HDAC9: variants seen among roughly 807,000 people sequenced by gnomAD.
The protein encoded by HDAC9 is MEF-2 interacting transcription repressor (MITR) protein.
A neutral mutation model predicts 139.4 loss-of-function variants in HDAC9; 41 were observed. That is an observed-to-expected ratio of 0.29 (90% CI 0.23 to 0.38). The LOEUF is 0.38. HDAC9 is among the 10% of genes least tolerant of loss of function. The probability of loss-of-function intolerance (pLI) is 1.00; values close to 1 mark genes in which losing one functional copy is unlikely to be tolerated. For synonymous variants in HDAC9, 517 were observed against 476.2 expected, an observed-to-expected ratio of 1.09 and a Z score of -1.12; for missense variants, 1,147 against 1,297.0, an observed-to-expected ratio of 0.88 and a Z score of 1.78.
intron 1 of HDAC9, among the ~76,000 whole-genome samples, chr7:18,295,886 C>T (rs746842887): frequency 1.1e-3 from 162 of 152,224 alleles, no homozygotes; most frequent in Non-Finnish European, 2.2e-3. Flanking sequence ...CACCAGACAA[C>T]CCCCCACAAC....
rs78177119 is a variant in HDAC9, at chr7:18,121,545, A to C, written c.-97+34332A>C. On this transcript the variant is annotated intron_variant, in intron 1 of 12. Coordinates refer to the HDAC9 transcript ENST00000417496. The stretch of plus-strand genomic sequence containing the variant: ...TAAGGTGAGCACCATAAGAATATGC[A>C]AAAAAAAAAAAAAACCATTGAAATT... Among the ~76,000 whole-genome samples, 336 of 61,108 alleles carry C rather than the reference A, an allele frequency of 5.5e-3. 3 individuals are homozygous for C. Among genetic ancestry groups the C allele is most frequent in the African/African-American group, 0.022 (324 of 14,600 alleles). The allele number at this position is 61,108 out of a possible 152,430, so 40.1% of individuals were successfully genotyped here. A position where few individuals can be genotyped will look rare whatever the true frequency, so the allele number is the denominator to read the frequency against.
At chr7:18,273,073 T>G (rs1266024709) in intron 2 of HDAC9, among the ~76,000 whole-genome samples, 19 of 133,772 alleles carry the variant, frequency 1.4e-4, no homozygotes, top group East Asian at 4.1e-4. Flanking sequence ...TTTTTTTTTT[T>G]TTTTTTTTTT....
At chr7:18,419,092 A>G (rs1190959667) in intron 1 of HDAC9, among the ~76,000 whole-genome samples, 1 of 152,100 alleles carries the variant, frequency 6.6e-6, no homozygotes, top group South Asian at 2.1e-4. Flanking sequence ...ATGGAAATCA[A>G]TTATTTCATT....
chr7:18,731,616 A>G (rs1220823496), intron 13 of HDAC9, among the ~76,000 whole-genome samples: 1 of 152,146 alleles, frequency 6.6e-6, no homozygotes, highest in South Asian at 2.1e-4. Flanking sequence ...AAATTGCATA[A>G]AATTATTTTT....
In HDAC9 at chr7:18,723,687, C is replaced by T. The variant is rs1785306533; in HGVS notation, c.1732-3893C>T. 2.7e-5 allele frequency among the ~76,000 whole-genome samples: 4 copies of T among 150,548 alleles called. No individual in the cohort carries two copies. The South Asian group carries it at 6.4e-4, about 24-fold the overall frequency. The stretch of plus-strand genomic sequence containing the variant: ...TTTATCTTACAGGGTTTCAGTGAAG[C>T]TCAAGTAGAACAATACTTACTTACT... On this transcript the variant is annotated intron_variant, in intron 12 of 25. Coordinates refer to ENST00000686413, the MANE Select transcript of HDAC9 (RefSeq NM_178425.4).
At chr7:18,733,161 G>GTA (rs1401315862) in intron 13 of HDAC9, among the ~76,000 whole-genome samples, 29 of 145,788 alleles carry the variant, frequency 2.0e-4, no homozygotes, top group Non-Finnish European at 2.9e-4. Flanking sequence ...ATATACACGT[G>GTA]TATACACATG....
chr7:18,681,571 G>T (rs1037377037), intron 12 of HDAC9, among the ~76,000 whole-genome samples: 1 of 152,010 alleles, frequency 6.6e-6, no homozygotes, highest in African/African-American at 2.4e-5. Flanking sequence ...TAAATTTCCA[G>T]CAGAATTAAC....
intron 11 of HDAC9, among the ~76,000 whole-genome samples, chr7:18,654,568 A>T (rs1168515205): frequency 1.3e-5 from 2 of 152,088 alleles, no homozygotes; most frequent in African/African-American, 4.8e-5. Flanking sequence ...TGAAATCCTA[A>T]CATAGGTTGT....
Position 18,998,185 on chromosome 7 carries a change from C to G in HDAC9, c.*2123C>G, listed in dbSNP as rs1163990878. 6.6e-6 allele frequency: 1 copy of G among 151,810 alleles called. No individual in the cohort carries two copies. Among genetic ancestry groups the G allele is most frequent in the East Asian group, 1.9e-4 (1 of 5,188 alleles). The allele number at this position is 151,810 out of a possible 1,614,324, so 9.4% of individuals were successfully genotyped here. A position where few individuals can be genotyped will look rare whatever the true frequency, so the allele number is the denominator to read the frequency against. On this transcript the variant is annotated 3_prime_UTR_variant, in exon 26 of 26. Transcript: ENST00000686413. ...AATTGTGTAGTTTTAAAATCAACTT[C>G]ATAATTATAAATCTCTGTCATTACT...
At chr7:18,135,782 T>G (rs1314302588) in intron 1 of HDAC9, among the ~76,000 whole-genome samples, 1 of 149,492 alleles carries the variant, frequency 6.7e-6, no homozygotes. Context: ...TGTGTCTTTA[T>G]AGCAGCATGA....
chr7:18,852,358 C>G (rs893956270), intron 21 of HDAC9, among the ~76,000 whole-genome samples: 1 of 152,102 alleles, frequency 6.6e-6, no homozygotes, highest in Admixed American at 6.6e-5. Context: ...CCTGGCATGT[C>G]CAGGAACTTG....
At position 18,921,541 on chromosome 7, in the gene HDAC9, C is replaced by A. The variant is rs551573951; in HGVS notation, c.2804-14268C>A. 1.6e-4 allele frequency among the ~76,000 whole-genome samples: 24 copies of A among 152,208 alleles called. 2 individuals carry two copies. Among genetic ancestry groups the A allele is most frequent in the African/African-American group, 5.8e-4 (24 of 41,520 alleles). On this transcript the variant is annotated intron_variant, in intron 22 of 25. Coordinates refer to ENST00000686413, the MANE Select transcript of HDAC9 (RefSeq NM_178425.4). ...AACCGCAATGAGATACCATCTCACA[C>A]CAGTTAGAATGGCAATCATTAAAAA...
At chr7:18,380,903 A>G (rs950179449) in intron 1 of HDAC9, among the ~76,000 whole-genome samples, 1 of 152,134 alleles carries the variant, frequency 6.6e-6, no homozygotes, top group African/African-American at 2.4e-5. Context: ...AAAACAAAAG[A>G]TTAGGGCCAG....
At chr7:18,694,074 A>G (rs558754307) in intron 12 of HDAC9, among the ~76,000 whole-genome samples, 1 of 152,304 alleles carries the variant, frequency 6.6e-6, no homozygotes, top group South Asian at 2.1e-4. Flanking sequence ...TGTATTTTGC[A>G]AGTGAAAACA....
intron 2 of HDAC9, among the ~76,000 whole-genome samples, chr7:18,197,839 A>G (rs1790834760): frequency 6.6e-6 from 1 of 152,166 alleles, no homozygotes; most frequent in Non-Finnish European, 1.5e-5. Context: ...AAAGCCTTTT[A>G]AGGAAAACTG....
chr7:18,653,239 CAAAAAAAAA>C (rs397971219), intron 11 of HDAC9, among the ~76,000 whole-genome samples: 75 of 82,278 alleles, frequency 9.1e-4, no homozygotes, highest in South Asian at 8.4e-3. Context: ...AACTCCATCT[CAAAAAAAAA>C]AAAAAAAAAC....
intron 24 of HDAC9, among the ~76,000 whole-genome samples, chr7:18,975,262 C>T (rs1784480411): frequency 6.6e-6 from 1 of 152,142 alleles, no homozygotes; most frequent in Non-Finnish European, 1.5e-5. Flanking sequence ...TAGTACACAC[C>T]CTGAGGTTGA....
At chr7:18,182,788 G>C (rs191890605) in intron 2 of HDAC9, among the ~76,000 whole-genome samples, 7 of 152,244 alleles carry the variant, frequency 4.6e-5, no homozygotes, top group Admixed American at 2.6e-4. Flanking sequence ...CAGGAGATTG[G>C]CTTGAGAATA....
At chr7:18,822,679 G>T (rs1795077276) in intron 17 of HDAC9, among the ~76,000 whole-genome samples, 1 of 152,106 alleles carries the variant, frequency 6.6e-6, no homozygotes, top group Non-Finnish European at 1.5e-5. Flanking sequence ...TGTCATAGGT[G>T]AACAGAGACC....
Sources: gnomAD v4.1 joint callset for allele counts (sites outside exome capture counted in the v4.1 genomes callset) on GRCh38, gnomAD v4.1.1 for gene constraint, MANE v1.5 for transcripts, NCBI Gene and HGNC (gene_info 2026-07-23, HGNC 2026-07-21) for gene names.